The following RHBDD1 variants were observed in gnomAD, a reference collection of about 807,000 sequenced individuals.
RHBDD1 encodes the protein rhomboid domain containing 1, also known as rhomboid-related protein 4.
In RHBDD1, 38 loss-of-function variants were observed where a neutral mutation model predicts 36.3. The observed-to-expected ratio is 1.05, with a 90% CI of 0.81 to 1.37. The LOEUF (loss-of-function observed/expected upper bound fraction) is 1.37, where lower values mean the gene tolerates loss of function less well. Ranked by LOEUF, RHBDD1 falls within the 40% of genes most tolerant of loss-of-function variation. The pLI is 0.00. For missense variants in RHBDD1, 393 were observed against 377.6 expected (o/e 1.04, Z -0.34); for synonymous variants, 151 against 136.5 (o/e 1.11, Z -0.74).
intron 8 of RHBDD1, among the ~76,000 whole-genome samples, chr2:226,984,453 A>C (rs1032043132): frequency 2.6e-5 from 4 of 152,204 alleles, no homozygotes; most frequent in Admixed American, 6.5e-5. Context: ...TACCAATGCC[A>C]TCACGGGGGC....
At chr2:226,874,537 A>G (rs1056621027) in intron 5 of RHBDD1, among the ~76,000 whole-genome samples, 2 of 152,096 alleles carry the variant, frequency 1.3e-5, no homozygotes, top group Non-Finnish European at 1.5e-5. Flanking sequence ...GGCTGCTGCC[A>G]TTCCTTAGCT....
chr2:226,944,685 G>A (rs1189526329), intron 8 of RHBDD1, among the ~76,000 whole-genome samples: 3 of 152,174 alleles, frequency 2.0e-5, no homozygotes, highest in Non-Finnish European at 4.4e-5. Flanking sequence ...CCTCCTGAGT[G>A]GCTGTAGTGA....
At chr2:226,802,857 C>T in the RHBDD1 span, among the ~76,000 whole-genome samples, 1 of 152,180 alleles carries the variant, frequency 6.6e-6, no homozygotes, top group East Asian at 1.9e-4. Flanking sequence ...TATGGACGCA[C>T]TTTGGGGCAA....
the RHBDD1 span, among the ~76,000 whole-genome samples, chr2:226,826,724 G>A: frequency 1.3e-5 from 2 of 151,916 alleles, no homozygotes; most frequent in East Asian, 1.9e-4. Context: ...GTTTCACCAC[G>A]TTAGCCAGGA....
intron 3 of RHBDD1, among the ~76,000 whole-genome samples, chr2:226,840,946 T>G (rs1242804886): frequency 6.6e-6 from 1 of 152,092 alleles, no homozygotes; most frequent in Non-Finnish European, 1.5e-5. Context: ...TCACTACGTT[T>G]TTTAAAAATA....
chr2:226,920,856 GATA>G (rs1949259527), intron 8 of RHBDD1, among the ~76,000 whole-genome samples: 1 of 152,136 alleles, frequency 6.6e-6, no homozygotes. Context: ...TTGGTATCAG[GATA>G]ATACTGGCCT....
intron 5 of RHBDD1, among the ~76,000 whole-genome samples, chr2:226,906,128 T>C (rs17416354): frequency 0.58 from 87,773 of 152,056 alleles, 26,215 homozygotes; most frequent in African/African-American, 0.74. Context: ...AAGTAATTGC[T>C]GGTTTTAGAT....
chr2:226,995,008 A>G (rs1273408631), intron 8 of RHBDD1, among the ~76,000 whole-genome samples: 1 of 152,164 alleles, frequency 6.6e-6, no homozygotes, highest in Non-Finnish European at 1.5e-5. Flanking sequence ...AGAGGGAAGA[A>G]AAGGAGCACC....
At chr2:226,827,920 C>T in the RHBDD1 span, among the ~76,000 whole-genome samples, 14 of 152,156 alleles carry the variant, frequency 9.2e-5, no homozygotes, top group African/African-American at 2.4e-4. Context: ...AGTGACCATA[C>T]GTGTACAGAC....
intron 8 of RHBDD1, among the ~76,000 whole-genome samples, chr2:226,923,798 G>C (rs2125791072): frequency 6.6e-6 from 1 of 152,086 alleles, no homozygotes. Context: ...GCATTCTTCA[G>C]TATGTCAATT....
chr2:226,948,586 C>T (rs1052489929), intron 8 of RHBDD1, among the ~76,000 whole-genome samples: 7 of 85,750 alleles, frequency 8.2e-5, no homozygotes, highest in African/African-American at 9.6e-5. Context: ...AAAAAAAAAA[C>T]GAAAAAAATA....
chr2:226,826,546 A>G, the RHBDD1 span, among the ~76,000 whole-genome samples: 1 of 130,204 alleles, frequency 7.7e-6, no homozygotes, highest in Non-Finnish European at 1.6e-5. Context: ...TTTGAGACAG[A>G]GTCTCGCTCT....
At chr2:226,983,531 C>T (rs945547182) in intron 8 of RHBDD1, among the ~76,000 whole-genome samples, 1 of 152,158 alleles carries the variant, frequency 6.6e-6, no homozygotes, top group Non-Finnish European at 1.5e-5. Flanking sequence ...TCCAGGGTGA[C>T]CTAAACTTGA....
At chr2:226,907,956 C>T (rs1948188103) in intron 6 of RHBDD1, among the ~76,000 whole-genome samples, 2 of 152,018 alleles carry the variant, frequency 1.3e-5, no homozygotes, top group South Asian at 4.2e-4. Context: ...TTTTCTGTGT[C>T]TCATGATGAA....
At chr2:226,858,756 T>C (rs552087019) in intron 3 of RHBDD1, among the ~76,000 whole-genome samples, 2 of 152,312 alleles carry the variant, frequency 1.3e-5, no homozygotes, top group Non-Finnish European at 2.9e-5. Context: ...TCTTATTACA[T>C]ACCTGTTTAA....
intron 4 of RHBDD1, among the ~76,000 whole-genome samples, chr2:226,865,713 C>T (rs1293267485): frequency 6.6e-6 from 1 of 152,212 alleles, no homozygotes; most frequent in Non-Finnish European, 1.5e-5. Context: ...CAGCCAGGTA[C>T]AAACCTAGGA....
At chr2:226,876,447 T>C (rs773297106) in intron 5 of RHBDD1, among the ~76,000 whole-genome samples, 2 of 152,202 alleles carry the variant, frequency 1.3e-5, no homozygotes, top group Non-Finnish European at 2.9e-5. Context: ...CCAAAAACCA[T>C]TTAAGCTCTT....
chr2:226,974,998 GC>G (rs1370108036), intron 8 of RHBDD1, among the ~76,000 whole-genome samples: 2 of 152,214 alleles, frequency 1.3e-5, no homozygotes, highest in Non-Finnish European at 2.9e-5. Context: ...TGAATCAGCA[GC>G]AGTGACTCCT....
intron 3 of RHBDD1, among the ~76,000 whole-genome samples, chr2:226,844,129 A>G (rs1170001454): frequency 6.6e-6 from 1 of 152,204 alleles, no homozygotes; most frequent in African/African-American, 2.4e-5. Flanking sequence ...AACTCTTCAA[A>G]TTAATGCTGT....
Sources: gnomAD v4.1 joint callset for allele counts (sites outside exome capture counted in the v4.1 genomes callset) on GRCh38, gnomAD v4.1.1 for gene constraint, MANE v1.5 for transcripts, NCBI Gene and HGNC (gene_info 2026-07-23, HGNC 2026-07-21) for gene names.